Variants in ADAMDEC1 observed in about 807,000 individuals in gnomAD.
The protein encoded by ADAMDEC1 is ADAM like decysin 1.
In ADAMDEC1, 62 loss-of-function variants were observed where a neutral mutation model predicts 60.4. That is an observed-to-expected ratio of 1.03 (90% confidence interval 0.84 to 1.27). The LOEUF (loss-of-function observed/expected upper bound fraction) is 1.27. ADAMDEC1 is among the 50% of genes most tolerant of loss of function. The pLI, the probability that ADAMDEC1 is intolerant of heterozygous loss-of-function variation, is 0.00. For synonymous variants in ADAMDEC1, 210 were observed against 195.1 expected (o/e 1.08, Z -0.64); for missense variants, 595 against 565.0 (o/e 1.05, Z -0.54).
chr8:24,403,340 A>AT (rs1277779272), intron 12 of ADAMDEC1, among the ~76,000 whole-genome samples: 1 of 151,968 alleles, frequency 6.6e-6, no homozygotes, highest in Non-Finnish European at 1.5e-5. Context: ...CCAGTTTATT[A>AT]TTCCTAGGTA....
At chr8:24,385,234 T>A (rs1002280598) in intron 1 of ADAMDEC1, among the ~76,000 whole-genome samples, 2 of 152,164 alleles carry the variant, frequency 1.3e-5, no homozygotes, top group African/African-American at 4.8e-5. Flanking sequence ...TTTCCATGTA[T>A]AAACACATTT....
chr8:24,393,866 G>A (rs1473963920), intron 3 of ADAMDEC1, among the ~76,000 whole-genome samples: 1 of 152,144 alleles, frequency 6.6e-6, no homozygotes, highest in African/African-American at 2.4e-5. Context: ...AAGATGAGGG[G>A]ACTTCCTCCC....
At chr8:24,397,890 C>G in intron 7 of ADAMDEC1, 145 bp downstream of exon 7, 1 of 671,990 alleles carries the variant, frequency 1.5e-6, no homozygotes, top group African/African-American at 1.8e-5. Context: ...GCCTTGCCAG[C>G]AATAGTTATC....
intron 7 of ADAMDEC1, 80 bp downstream of exon 7, chr8:24,397,825 C>A: frequency 1.5e-6 from 2 of 1,345,850 alleles, no homozygotes; most frequent in Non-Finnish European, 2.1e-6. Context: ...AAGCAATAAA[C>A]TATTTTAGCT....
At chr8:24,399,514 C>G (rs1434429106) in intron 10 of ADAMDEC1, 40 bp downstream of exon 10, 61 of 1,510,266 alleles carry the variant, frequency 4.0e-5, no homozygotes, top group Non-Finnish European at 5.5e-5. Flanking sequence ...GGTTCTGTAT[C>G]CTCTATGAAG....
intron 5 of ADAMDEC1, among the ~76,000 whole-genome samples, chr8:24,396,478 C>G (rs1817616404): frequency 6.6e-6 from 1 of 152,128 alleles, no homozygotes; most frequent in Non-Finnish European, 1.5e-5. Context: ...CTCCACTGCA[C>G]TCTAGCTTGG....
At chr8:24,405,161 T>C in intron 13 of ADAMDEC1, 131 bp from the exon 14 acceptor site, 2 of 919,576 alleles carry the variant, frequency 2.2e-6, no homozygotes, top group South Asian at 3.6e-5. Context: ...CAGCTAATGG[T>C]ATAGTCTCTT....
At chr8:24,390,896 A>C (rs182199935) in intron 1 of ADAMDEC1, among the ~76,000 whole-genome samples, 69 of 152,282 alleles carry the variant, frequency 4.5e-4, no homozygotes, top group African/African-American at 1.6e-3. Context: ...GGTAGACAGA[A>C]CAAGAAGTGA....
In ADAMDEC1 at chr8:24,405,825, T is replaced by C. The variant is rs1250940608; in HGVS notation, c.*527T>C. The C allele has an allele frequency of 6.5e-6, 1 of 152,702 alleles. No homozygotes were observed. The highest frequency in any genetic ancestry group is 1.5e-5 in the Non-Finnish European group (1 of 68,436). The allele number at this position is 152,702 out of a possible 1,614,324, so 9.5% of individuals were successfully genotyped here. The stretch of plus-strand genomic sequence containing the variant: ...CTTGAAAGTGCAGTATTTTTCTACA[T>C]CATGTCAAGAATGATTCAATGTAAA... On this transcript the variant is annotated 3_prime_UTR_variant, in exon 14 of 14. Coordinates refer to ENST00000256412, the MANE Select transcript of ADAMDEC1 (RefSeq NM_014479.3).
intron 10 of ADAMDEC1, among the ~76,000 whole-genome samples, 183 bp from the exon 11 acceptor site, chr8:24,399,987 T>C (rs1365247449): frequency 6.6e-6 from 1 of 152,188 alleles, no homozygotes; most frequent in Non-Finnish European, 1.5e-5. Flanking sequence ...ATTTATTGAA[T>C]AAAATGTAAG....
chr8:24,393,991 T>TATTTTAGTGCTGAAGTTCAGG, intron 3 of ADAMDEC1, 78 bp from the exon 4 acceptor site: 1 of 917,666 alleles, frequency 1.1e-6, no homozygotes, highest in Non-Finnish European at 1.8e-6. Context: ...ACACTATCAC[T>TATTTTAGTGCTGAAGTTCAGG]ATTTTAGTGC....
chr8:24,385,917 A>G (rs1817278475), intron 1 of ADAMDEC1, among the ~76,000 whole-genome samples: 1 of 148,696 alleles, frequency 6.7e-6, no homozygotes, highest in Non-Finnish European at 1.5e-5. Flanking sequence ...GTCAAACAAC[A>G]TGTAATGAAA....
At chr8:24,390,253 C>A in intron 1 of ADAMDEC1, 3 of 998,834 alleles carry the variant, frequency 3.0e-6, no homozygotes, top group Non-Finnish European at 3.9e-6. Context: ...GAATGTAATA[C>A]GTTTACATTA....
chr8:24,400,026 C>A, intron 10 of ADAMDEC1, 144 bp from the exon 11 acceptor site: 1 of 609,196 alleles, frequency 1.6e-6, no homozygotes, highest in Non-Finnish European at 2.6e-6. Flanking sequence ...ACTTTAAATG[C>A]TCTTTCAACG....
Position 24,397,677 on chromosome 8 carries a change from G to A in ADAMDEC1, c.628-6G>A, listed in dbSNP as rs368429148. 6.2e-7 allele frequency: 1 copy of A among 1,609,908 alleles called. No homozygotes were observed. The highest frequency in any genetic ancestry group is 1.3e-5 in the African/African-American group (1 of 74,766). ...GATTAACAATGTTCTTTTATTCTTT[G>A]TAAAGAAAGAAGACTTTCTTCGGGC... On this transcript the variant is annotated splice_region_variant and splice_polypyrimidine_tract_variant and intron_variant, in intron 6 of 13. Transcript: ENST00000256412.
Position 24,394,109 on chromosome 8 carries a change from C to T in ADAMDEC1, c.325C>T (p.Pro109Ser). 1.2e-6 allele frequency: 2 copies of T among 1,613,488 alleles called. No homozygotes were observed. Among genetic ancestry groups the T allele is most frequent in the Non-Finnish European group, 1.7e-6 (2 of 1,179,538 alleles). ...AGACTACACTGAAACATTGTACTCA[C>T]CCAGAGGAGAGGAAATTACCACGAA... ...GPDYTETLYS[P>S]RGEEITTKPE... The change falls in exon 4 of 14, where the codon CCC becomes TCC. Residue 109 changes from proline to serine, a missense_variant. By Grantham distance (74) the Pro-to-Ser change is moderately conservative. Coordinates refer to ENST00000256412, the MANE Select transcript of ADAMDEC1 (RefSeq NM_014479.3).
Position 24,393,277 on chromosome 8 carries a change from G to C in ADAMDEC1, c.223G>C (p.Glu75Gln). Reference sequence around the variant, plus strand: ...ATGTTTTCAGGAAAGGTATGAACCTGAAGTTCAATATCAGATGATCTTAAA... The same window carrying C: ...ATGTTTTCAGGAAAGGTATGAACCTCAAGTTCAATATCAGATGATCTTAAA... ...KHGKEERYEP[E>Q]VQYQMILNGE... Residue 75 changes from glutamate (E) to glutamine (Q), a missense_variant, in exon 3 of 14, where the codon GAA becomes CAA. Coordinates refer to ENST00000256412, the MANE Select transcript of ADAMDEC1 (RefSeq NM_014479.3). 1 of 1,598,892 alleles carries C rather than the reference G, an allele frequency of 6.3e-7. No individual in the cohort carries two copies. Among genetic ancestry groups the C allele is most frequent in the Non-Finnish European group, 8.5e-7 (1 of 1,171,490 alleles).
At chr8:24,397,102 C>A (rs185090245) in intron 5 of ADAMDEC1, among the ~76,000 whole-genome samples, 168 bp from the exon 6 acceptor site, 1 of 152,072 alleles carries the variant, frequency 6.6e-6, no homozygotes, top group African/African-American at 2.4e-5. Flanking sequence ...CATTTTATAT[C>A]GACAAATAGT....
intron 1 of ADAMDEC1, among the ~76,000 whole-genome samples, chr8:24,386,618 A>G (rs1817299611): frequency 6.6e-6 from 1 of 152,180 alleles, no homozygotes; most frequent in Non-Finnish European, 1.5e-5. Context: ...TTTGTCTTCT[A>G]GATCTTATCC....
Sources: allele counts gnomAD v4.1 joint callset (sites outside exome capture counted in the v4.1 genomes callset), GRCh38; gene constraint gnomAD v4.1.1; transcripts MANE v1.5; gene names NCBI Gene and HGNC (gene_info 2026-07-23, HGNC 2026-07-21).